Variants in LRRC20 observed in about 807,000 individuals in gnomAD.
The protein encoded by LRRC20 is leucine-rich repeat-containing protein 20.
In LRRC20, 11 loss-of-function variants were observed where a neutral mutation model predicts 14.4. The observed-to-expected ratio is 0.77, with a 90% CI of 0.48 to 1.27. The LOEUF is 1.27. LRRC20 is among the 50% of genes most tolerant of loss of function. LRRC20 has a pLI of 0.00. For missense variants in LRRC20, 219 were observed against 251.2 expected, an observed-to-expected ratio of 0.87 and a Z score of 0.87; for synonymous variants, 121 against 107.3, an observed-to-expected ratio of 1.13 and a Z score of -0.79.
At chr10:70,312,407 C>A (rs895135677) in intron 4 of LRRC20, among the ~76,000 whole-genome samples, 2 of 152,202 alleles carry the variant, frequency 1.3e-5, no homozygotes, top group African/African-American at 2.4e-5. Context: ...CTCCACCACA[C>A]CCTTCTGGGT....
intron 2 of LRRC20, among the ~76,000 whole-genome samples, chr10:70,347,808 G>C: frequency 7.4e-6 from 1 of 134,896 alleles, no homozygotes; most frequent in African/African-American, 2.7e-5. Context: ...AACAGAGCGA[G>C]ACTCCGTCTC....
At chr10:70,374,414 G>A (rs570858168) in intron 2 of LRRC20, among the ~76,000 whole-genome samples, 1 of 149,872 alleles carries the variant, frequency 6.7e-6, no homozygotes, top group South Asian at 2.1e-4. Context: ...GCAGTGGCGA[G>A]ATCTTGACTC....
intron 2 of LRRC20, among the ~76,000 whole-genome samples, chr10:70,347,337 G>T (rs1260704188): frequency 6.6e-6 from 1 of 152,102 alleles, no homozygotes; most frequent in East Asian, 1.9e-4. Flanking sequence ...AGTAGGGAGA[G>T]AAAGTGCTTA....
At chr10:70,337,124 G>C (rs1589083480) in intron 3 of LRRC20, among the ~76,000 whole-genome samples, 1 of 152,322 alleles carries the variant, frequency 6.6e-6, no homozygotes, top group South Asian at 2.1e-4. Context: ...AGGAGACATT[G>C]TGGCAGGCAG....
At chr10:70,323,602 A>C (rs1269597823) in intron 4 of LRRC20, among the ~76,000 whole-genome samples, 1 of 152,184 alleles carries the variant, frequency 6.6e-6, no homozygotes, top group Non-Finnish European at 1.5e-5. Context: ...TGTGGCCTAC[A>C]GTGGCCTGGC....
At chr10:70,302,669 T>C (rs2136846807) in intron 4 of LRRC20, among the ~76,000 whole-genome samples, 1 of 151,170 alleles carries the variant, frequency 6.6e-6, no homozygotes, top group African/African-American at 2.4e-5. Context: ...GCCCAGGAGT[T>C]CAAAGTCAGG....
intron 2 of LRRC20, among the ~76,000 whole-genome samples, chr10:70,370,336 GATA>G (rs1474040405): frequency 1.2e-4 from 18 of 152,282 alleles, no homozygotes; most frequent in South Asian, 8.3e-4. Flanking sequence ...TTACACAGAT[GATA>G]GTTCACCAGA....
At position 70,368,399 on chromosome 10, in the gene LRRC20, C is replaced by T. The variant is rs191716347; in HGVS notation, c.82+8053G>A. 9.6e-4 allele frequency among the ~76,000 whole-genome samples: 146 copies of T among 151,858 alleles called. 1 individual carries two copies. The highest frequency in any genetic ancestry group is 3.2e-3 in the African/African-American group (134 of 41,424). ...GTCTTGATCTCCTGACCTCGTGATC[C>T]GCCTGCCTCGGCCTCCTAAAGTGCT... is the stretch of plus-strand genomic sequence containing the variant. On this transcript the variant is annotated intron_variant, in intron 2 of 4. Transcript: ENST00000446961.
In LRRC20 at chr10:70,351,998, T is replaced by C. The variant is rs191080713; in HGVS notation, c.83-11296A>G. ...ACAACTGTTGAGCAAGTTCCAGCTT[T>C]TCTCAAGTTAGTTATATTATAGGGT... On this transcript the variant is annotated intron_variant, in intron 2 of 4. Coordinates refer to ENST00000446961, the MANE Select transcript of LRRC20 (RefSeq NM_001278212.2). 7.2e-4 allele frequency among the ~76,000 whole-genome samples: 109 copies of C among 152,296 alleles called. 1 individual carries two copies. Among genetic ancestry groups the C allele is most frequent in the African/African-American group, 2.4e-3 (101 of 41,552 alleles).
chr10:70,363,815 A>G (rs1843851937), intron 2 of LRRC20, among the ~76,000 whole-genome samples: 1 of 135,840 alleles, frequency 7.4e-6, no homozygotes, highest in African/African-American at 2.8e-5. Context: ...TAGAGGTGGC[A>G]TGCTAGGCAG....
At chr10:70,368,213 A>G (rs1844108842) in intron 2 of LRRC20, among the ~76,000 whole-genome samples, 1 of 133,690 alleles carries the variant, frequency 7.5e-6, no homozygotes, top group East Asian at 2.2e-4. Context: ...GCTGAAGTGC[A>G]GTGGCACAAT....
At chr10:70,330,473 A>C (rs1260092230) in intron 3 of LRRC20, among the ~76,000 whole-genome samples, 1 of 152,126 alleles carries the variant, frequency 6.6e-6, no homozygotes, top group Non-Finnish European at 1.5e-5. Context: ...TCCCCAAGGG[A>C]GGGCAAAGAC....
chr10:70,338,613 GTGTTTT>G lies in LRRC20; in HGVS notation c.232+1934_232+1939del, dbSNP rs545250217. 3.3e-3 allele frequency among the ~76,000 whole-genome samples: 508 copies of G among 152,290 alleles called. 4 individuals are homozygous for G. Among genetic ancestry groups the G allele is most frequent in the Non-Finnish European group, 4.4e-3 (302 of 68,022 alleles). On this transcript the variant is annotated intron_variant, in intron 3 of 4. Coordinates refer to ENST00000446961, the MANE Select transcript of LRRC20 (RefSeq NM_001278212.2). ...GCTGCCATGAACATCCACGTGTAAT[GTGTTTT>G]TGCATGGATGTATGGTTTTGTTTTT...
intron 3 of LRRC20, among the ~76,000 whole-genome samples, chr10:70,325,907 G>T (rs969686770): frequency 4.0e-5 from 6 of 150,760 alleles, no homozygotes; most frequent in Admixed American, 3.9e-4. Flanking sequence ...TGAATTTCAT[G>T]ATTCTACACA....
At chr10:70,379,527 C>T (rs1844629081) in intron 1 of LRRC20, among the ~76,000 whole-genome samples, 1 of 152,186 alleles carries the variant, frequency 6.6e-6, no homozygotes, top group African/African-American at 2.4e-5. Context: ...ATTTACTGAG[C>T]ATCTCCTAGG....
At chr10:70,372,707 G>A (rs1844345092) in intron 2 of LRRC20, among the ~76,000 whole-genome samples, 1 of 152,046 alleles carries the variant, frequency 6.6e-6, no homozygotes, top group South Asian at 2.1e-4. Context: ...CACCCAAAGT[G>A]CTGGGATTAA....
intron 2 of LRRC20, among the ~76,000 whole-genome samples, chr10:70,343,983 G>A (rs1564630974): frequency 6.6e-6 from 1 of 152,180 alleles, no homozygotes; most frequent in Non-Finnish European, 1.5e-5. Flanking sequence ...AGGATTGCTT[G>A]AGCCCAGGAG....
chr10:70,378,540 A>C (rs1844590983), intron 1 of LRRC20, among the ~76,000 whole-genome samples: 1 of 151,820 alleles, frequency 6.6e-6, no homozygotes, highest in Admixed American at 6.6e-5. Flanking sequence ...TAATCCCAGC[A>C]CTTTGGAAGG....
At chr10:70,318,487 C>G (rs1338670442) in intron 4 of LRRC20, among the ~76,000 whole-genome samples, 1 of 152,216 alleles carries the variant, frequency 6.6e-6, no homozygotes, top group Non-Finnish European at 1.5e-5. Context: ...GGTACAGTGG[C>G]TCACGCCTGT....
Sources: gnomAD v4.1 joint callset for allele counts (sites outside exome capture counted in the v4.1 genomes callset) on GRCh38, gnomAD v4.1.1 for gene constraint, MANE v1.5 for transcripts, NCBI Gene and HGNC (gene_info 2026-07-23, HGNC 2026-07-21) for gene names.